Variants in WHRN observed in about 807,000 individuals in gnomAD.
The protein encoded by WHRN is CASK-interacting protein CIP98.
WHRN carries 41 observed loss-of-function variants against 68.3 expected under a neutral mutation model. The ratio of observed to expected loss-of-function variants is 0.60; its 90% CI spans 0.47 to 0.78. WHRN has a LOEUF of 0.78. Ranked by LOEUF, WHRN falls within the 30% of genes least tolerant of loss-of-function variation. The pLI is 0.00. For synonymous variants in WHRN, 560 were observed against 561.3 expected, an observed-to-expected ratio of 1.00 and a Z score of 0.03; for missense variants, 1,243 against 1,244.7, an observed-to-expected ratio of 1.00 and a Z score of 0.02.
chr9:114,433,181 TG>T (rs1837562732), intron 3 of WHRN, among the ~76,000 whole-genome samples: 2 of 152,238 alleles, frequency 1.3e-5, no homozygotes, highest in East Asian at 3.8e-4. Context: ...CTCCCAGCCC[TG>T]GGCTTTAGGC....
chr9:114,441,749 GCTC>G (rs1418963501), intron 3 of WHRN, among the ~76,000 whole-genome samples: 8 of 152,160 alleles, frequency 5.3e-5, no homozygotes, highest in Non-Finnish European at 1.2e-4. Context: ...ACAGGATAAA[GCTC>G]CTCTCTACAG....
chr9:114,426,641 C>T (rs1011851330), intron 3 of WHRN, among the ~76,000 whole-genome samples: 1 of 152,170 alleles, frequency 6.6e-6, no homozygotes, highest in Non-Finnish European at 1.5e-5. Context: ...GGGGCATGTC[C>T]CCATGACTCA....
intron 3 of WHRN, among the ~76,000 whole-genome samples, chr9:114,433,841 C>T (rs1196936718): frequency 6.6e-6 from 1 of 152,132 alleles, no homozygotes; most frequent in African/African-American, 2.4e-5. Context: ...GTGGATGGAC[C>T]CGGCAAGGCT....
intron 3 of WHRN, among the ~76,000 whole-genome samples, chr9:114,443,387 A>G (rs926988484): frequency 6.6e-6 from 1 of 152,172 alleles, no homozygotes; most frequent in African/African-American, 2.4e-5. Flanking sequence ...GGGACAATCC[A>G]ATTCCTTGCC....
At chr9:114,416,974 GC>G (rs1160379977) in intron 7 of WHRN, among the ~76,000 whole-genome samples, 5 of 152,202 alleles carry the variant, frequency 3.3e-5, no homozygotes, top group Non-Finnish European at 5.9e-5. Flanking sequence ...GTGCAATTAA[GC>G]CCCTCTGCCA....
chr9:114,465,535 G>C (rs1035704336), intron 3 of WHRN, among the ~76,000 whole-genome samples: 1 of 152,192 alleles, frequency 6.6e-6, no homozygotes, highest in South Asian at 2.1e-4. Flanking sequence ...CCTGGCATCA[G>C]GATTTAGCCC....
chr9:114,486,254 C>T (rs545379777), intron 1 of WHRN, among the ~76,000 whole-genome samples: 1 of 152,266 alleles, frequency 6.6e-6, no homozygotes, highest in East Asian at 1.9e-4. Flanking sequence ...CACATTTCCT[C>T]GTATCTGCGC....
In WHRN at chr9:114,461,781, C is replaced by T. The variant is rs182836351; in HGVS notation, c.963+4486G>A. On this transcript the variant is annotated intron_variant, in intron 3 of 11. Coordinates refer to ENST00000362057, the MANE Select transcript of WHRN (RefSeq NM_015404.4). ...GATATCCAAGACCAGGTTTGGTCTC[C>T]CCTGGCATACACTCAATTGGTTCCA... Among the ~76,000 whole-genome samples the T allele has an allele frequency of 1.3e-3, 205 of 152,314 alleles. 1 individual carries two copies. Among genetic ancestry groups the T allele is most frequent in the Non-Finnish European group, 2.3e-3 (154 of 68,042 alleles).
intron 2 of WHRN, among the ~76,000 whole-genome samples, chr9:114,476,461 G>A (rs774297389): frequency 9.2e-5 from 14 of 151,932 alleles, no homozygotes; most frequent in South Asian, 6.2e-4. Flanking sequence ...GTCTCAGCTC[G>A]GAAGCCGTCT....
intron 3 of WHRN, among the ~76,000 whole-genome samples, chr9:114,461,327 T>G (rs904013835): frequency 6.6e-6 from 1 of 152,224 alleles, no homozygotes; most frequent in Non-Finnish European, 1.5e-5. Flanking sequence ...CACTGTGGTG[T>G]GTGTCCGGCA....
chr9:114,466,775 C>T (rs191886540), intron 2 of WHRN, among the ~76,000 whole-genome samples: 1 of 152,222 alleles, frequency 6.6e-6, no homozygotes, highest in Admixed American at 6.5e-5. Flanking sequence ...ACTGTTCGCG[C>T]CCCGGGGTCT....
chr9:114,430,718 G>C (rs1837345408), intron 3 of WHRN, among the ~76,000 whole-genome samples: 1 of 152,234 alleles, frequency 6.6e-6, no homozygotes, highest in Non-Finnish European at 1.5e-5. Context: ...AGGCAGCATA[G>C]ATTCCTGTGC....
At chr9:114,448,591 A>G (rs1839041607) in intron 3 of WHRN, among the ~76,000 whole-genome samples, 1 of 152,142 alleles carries the variant, frequency 6.6e-6, no homozygotes, top group African/African-American at 2.4e-5. Context: ...GGCCATCAAA[A>G]GAATACAGCC....
At chr9:114,457,026 A>G (rs1039007943) in intron 3 of WHRN, among the ~76,000 whole-genome samples, 2 of 152,138 alleles carry the variant, frequency 1.3e-5, no homozygotes, top group Non-Finnish European at 2.9e-5. Flanking sequence ...TTACCAAAAG[A>G]AAAAAATACT....
chr9:114,418,735 G>C (rs1448110047), intron 7 of WHRN, among the ~76,000 whole-genome samples: 1 of 152,186 alleles, frequency 6.6e-6, no homozygotes, highest in Non-Finnish European at 1.5e-5. Flanking sequence ...TGTTGGCATG[G>C]CTCTCTCCCT....
At chr9:114,473,221 G>T (rs1335332339) in intron 2 of WHRN, among the ~76,000 whole-genome samples, 1 of 152,220 alleles carries the variant, frequency 6.6e-6, no homozygotes, top group Non-Finnish European at 1.5e-5. Flanking sequence ...CAAATGACCG[G>T]GGAGGGGTGA....
intron 1 of WHRN, among the ~76,000 whole-genome samples, chr9:114,479,436 C>T (rs996839154): frequency 3.9e-5 from 6 of 152,216 alleles, no homozygotes; most frequent in Non-Finnish European, 8.8e-5. Context: ...TCATTCTGCT[C>T]TGTATCCTTT....
At chr9:114,448,539 A>G (rs1309492946) in intron 3 of WHRN, among the ~76,000 whole-genome samples, 5 of 152,178 alleles carry the variant, frequency 3.3e-5, no homozygotes, top group African/African-American at 4.8e-5. Flanking sequence ...AGCTTTAAAC[A>G]AGAAAGCCCA....
intron 3 of WHRN, among the ~76,000 whole-genome samples, chr9:114,450,512 C>A (rs1200157179): frequency 6.6e-6 from 1 of 152,158 alleles, no homozygotes; most frequent in Non-Finnish European, 1.5e-5. Flanking sequence ...CAAATCACTT[C>A]CACCTTCTGA....
Sources: allele counts gnomAD v4.1 joint callset (sites outside exome capture counted in the v4.1 genomes callset), GRCh38; gene constraint gnomAD v4.1.1; transcripts MANE v1.5; gene names NCBI Gene and HGNC (gene_info 2026-07-23, HGNC 2026-07-21).